Variants in YY2 observed in about 807,000 individuals in gnomAD.
YY2 encodes the protein transcription factor YY2.
For missense variants in YY2, 254 were observed against 305.3 expected, an observed-to-expected ratio of 0.83 and a Z score of 1.25; for synonymous variants, 157 against 131.2, an observed-to-expected ratio of 1.20 and a Z score of -1.35.
rs2092925467 is a variant in YY2, at chrX:21,857,806, G to C, written c.*203G>C. On this transcript the variant is annotated 3_prime_UTR_variant, in exon 1 of 1. Coordinates refer to ENST00000429584, the MANE Select transcript of YY2 (RefSeq NM_206923.4). The stretch of plus-strand genomic sequence containing the variant: ...AGGTAAACCTTGACATAAGATAATA[G>C]TGCTAAGATGCCATAGCTTGTTCTG... 3 of 413,377 alleles carry C rather than the reference G, an allele frequency of 7.3e-6. No individual in the cohort carries two copies. The highest frequency in any genetic ancestry group is 1.6e-4 in the South Asian group (2 of 12,650). 34.1% of individuals were successfully genotyped at this position (413,377 alleles called of 1,213,427 possible).
Position 21,857,635 on chromosome X carries a change from T to TA in YY2, c.*33dup, listed in dbSNP as rs1355508321. The stretch of plus-strand genomic sequence containing the variant: ...GAAGACCCCTCTCAGACTTGGGAAT[T>TA]ATCTTCCAGGACTGCGGTAGGGAAT... On this transcript the variant is annotated 3_prime_UTR_variant, in exon 1 of 1. Transcript: ENST00000429584. 10 of 1,170,149 alleles carry TA rather than the reference T, an allele frequency of 8.5e-6. No individual in the cohort carries two copies. In the Admixed American group the frequency reaches 2.4e-4, roughly 29 times the overall value.
At position 21,857,830 on chromosome X, in the gene YY2, T is replaced by C; in HGVS notation, c.*227T>C. The C allele has an allele frequency of 2.9e-6, 1 of 340,683 alleles. No individual in the cohort carries two copies. The highest frequency in any genetic ancestry group is 5.0e-6 in the Non-Finnish European group (1 of 199,407). 28.1% of individuals were successfully genotyped at this position (340,683 alleles called of 1,213,427 possible). A position where few individuals can be genotyped will look rare whatever the true frequency, so the allele number is the denominator to read the frequency against. Reference sequence around the variant, plus strand: ...AGTGCTAAGATGCCATAGCTTGTTCTGTAACTATTTTTGTAAAGTTTGGTC... The same window carrying C: ...AGTGCTAAGATGCCATAGCTTGTTCCGTAACTATTTTTGTAAAGTTTGGTC... On this transcript the variant is annotated 3_prime_UTR_variant, in exon 1 of 1. Transcript: ENST00000429584.
Position 21,857,838 on chromosome X carries a change from T to C in YY2, c.*235T>C. ...GATGCCATAGCTTGTTCTGTAACTA[T>C]TTTTGTAAAGTTTGGTCCCAACAGG... On this transcript the variant is annotated 3_prime_UTR_variant, in exon 1 of 1. Transcript: ENST00000429584. 1 of 327,870 alleles carries C rather than the reference T, an allele frequency of 3.0e-6. No individual in the cohort carries two copies. The highest frequency in any genetic ancestry group is 1.4e-4 in the South Asian group (1 of 7,183). 27.0% of individuals were successfully genotyped at this position (327,870 alleles called of 1,213,427 possible).
chrX:21,856,290 TCTGCAGCTCGCGCCTTTC>T lies in YY2; in HGVS notation c.-194_-177del. 1 of 270,323 alleles carries T rather than the reference TCTGCAGCTCGCGCCTTTC, an allele frequency of 3.7e-6. No individual in the cohort carries two copies. The highest frequency in any genetic ancestry group is 6.0e-6 in the Non-Finnish European group (1 of 166,296). The allele number at this position is 270,323 out of a possible 1,213,427, so 22.3% of individuals were successfully genotyped here. ...TGCTTTCCTCAGTCTCGCGCCTTTCTCTGCAGCTCGCGCCTTTCTCTGCAGCTCGCGCCTTTCTCTGCA... is the reference window on the plus strand; with the variant it reads ...TGCTTTCCTCAGTCTCGCGCCTTTCTTCTGCAGCTCGCGCCTTTCTCTGCA... On this transcript the variant is annotated 5_prime_UTR_variant, in exon 1 of 1. Coordinates refer to ENST00000429584, the MANE Select transcript of YY2 (RefSeq NM_206923.4).
At position 21,856,024 on chromosome X, in the gene YY2, T is replaced by A. The variant is rs908475030; in HGVS notation, c.-461T>A. The A allele has an allele frequency of 1.6e-5, 2 of 123,400 alleles. No individual in the cohort carries two copies. The highest frequency in any genetic ancestry group is 8.7e-5 in the Admixed American group (1 of 11,522). 10.2% of individuals were successfully genotyped at this position (123,400 alleles called of 1,213,427 possible). A position where few individuals can be genotyped will look rare whatever the true frequency, so the allele number is the denominator to read the frequency against. ...AAAAAAGCATAAAAGGAGTAGGCTT[T>A]TTTGGCAGATACTGTTATATGGGAT... On this transcript the variant is annotated 5_prime_UTR_variant, in exon 1 of 1. Transcript: ENST00000429584.
Position 21,856,511 on chromosome X carries a change from C to G in YY2, c.27C>G (p.Ile9Met). 1 of 1,209,290 alleles carries G rather than the reference C, an allele frequency of 8.3e-7. No homozygotes were observed. The highest frequency in any genetic ancestry group is 1.1e-6 in the Non-Finnish European group (1 of 894,082). The change falls in exon 1 of 1, where the codon ATC becomes ATG. Residue 9 changes from isoleucine to methionine, a missense_variant. Ile to Met is a conservative substitution (Grantham distance 10). Transcript: ENST00000429584. MASNEDFS[I>M]TQDLEIPADI... is the part of the protein sequence containing the mutation. ...TGGCCTCCAACGAAGATTTCTCCAT[C>G]ACACAAGACCTGGAGATCCCGGCAG...
chrX:21,856,480 C>T lies in YY2; in HGVS notation c.-5C>T, dbSNP rs1253134081. The T allele has an allele frequency of 9.2e-6, 11 of 1,200,012 alleles. No individual in the cohort carries two copies. Among genetic ancestry groups the T allele is most frequent in the Admixed American group, 2.2e-5 (1 of 45,150 alleles). On this transcript the variant is annotated 5_prime_UTR_variant, in exon 1 of 1. Coordinates refer to ENST00000429584, the MANE Select transcript of YY2 (RefSeq NM_206923.4). The stretch of plus-strand genomic sequence containing the variant: ...CGTTGCCGCTAACCTAACTAACTCT[C>T]AGCCATGGCCTCCAACGAAGATTTC...
chrX:21,856,330 T>A lies in YY2; in HGVS notation c.-155T>A. The A allele has an allele frequency of 2.0e-6, 1 of 498,083 alleles. No homozygotes were observed. Among genetic ancestry groups the A allele is most frequent in the Non-Finnish European group, 3.4e-6 (1 of 293,781 alleles). 41.0% of individuals were successfully genotyped at this position (498,083 alleles called of 1,213,427 possible). On this transcript the variant is annotated 5_prime_UTR_variant, in exon 1 of 1. Coordinates refer to ENST00000429584, the MANE Select transcript of YY2 (RefSeq NM_206923.4). ...TTTCTCTGCAGCTCGCGCCTTTCTCTGCAGCTCGCGCCTTTCTCTGCAGCT... is the reference window on the plus strand; with the variant it reads ...TTTCTCTGCAGCTCGCGCCTTTCTCAGCAGCTCGCGCCTTTCTCTGCAGCT...
rs1409130046 is a variant in YY2 at position 21,857,725 on chromosome X, AT to A, written c.*125del. 1.2e-6 allele frequency: 1 copy of A among 817,240 alleles called. No homozygotes were observed. The highest frequency in any genetic ancestry group is 1.7e-6 in the Non-Finnish European group (1 of 583,614). 67.3% of individuals were successfully genotyped at this position (817,240 alleles called of 1,213,427 possible). A position where few individuals can be genotyped will look rare whatever the true frequency, so the allele number is the denominator to read the frequency against. The stretch of plus-strand genomic sequence containing the variant: ...TTTTAAAAAAAAATGAATCCTGCAC[AT>A]TTAAGGTTCGTGTTTTGTTAGAGTA... On this transcript the variant is annotated 3_prime_UTR_variant, in exon 1 of 1. Transcript: ENST00000429584.
chrX:21,857,760 A>G lies in YY2; in HGVS notation c.*157A>G. 1.6e-6 allele frequency: 1 copy of G among 615,150 alleles called. No individual in the cohort carries two copies. Among genetic ancestry groups the G allele is most frequent in the East Asian group, 3.6e-5 (1 of 27,671 alleles). The allele number at this position is 615,150 out of a possible 1,213,427, so 50.7% of individuals were successfully genotyped here. A position where few individuals can be genotyped will look rare whatever the true frequency, so the allele number is the denominator to read the frequency against. ...CGTGTTTTGTTAGAGTAGTAAAAAT[A>G]GAATTTAAACGTTTTTAAAAAGGTA... is the stretch of plus-strand genomic sequence containing the variant. On this transcript the variant is annotated 3_prime_UTR_variant, in exon 1 of 1. Transcript: ENST00000429584.
Position 21,856,001 on chromosome X carries a change from A to T in YY2, c.-484A>T, listed in dbSNP as rs780890769. 2 of 119,700 alleles carry T rather than the reference A, an allele frequency of 1.7e-5. No homozygotes were observed. The highest frequency in any genetic ancestry group is 6.8e-4 in the South Asian group (2 of 2,922). 9.9% of individuals were successfully genotyped at this position (119,700 alleles called of 1,213,427 possible). ...GTATTAGTGCAATTAAATAAGAGAA[A>T]AAAGCATAAAAGGAGTAGGCTTTTT... On this transcript the variant is annotated 5_prime_UTR_variant, in exon 1 of 1. Transcript: ENST00000429584.
At position 21,856,316 on chromosome X, in the gene YY2, C is replaced by G; in HGVS notation, c.-169C>G. 1 of 455,827 alleles carries G rather than the reference C, an allele frequency of 2.2e-6. No homozygotes were observed. Among genetic ancestry groups the G allele is most frequent in the Non-Finnish European group, 3.8e-6 (1 of 265,628 alleles). 37.6% of individuals were successfully genotyped at this position (455,827 alleles called of 1,213,427 possible). A position where few individuals can be genotyped will look rare whatever the true frequency, so the allele number is the denominator to read the frequency against. Reference sequence around the variant, plus strand: ...CTGCAGCTCGCGCCTTTCTCTGCAGCTCGCGCCTTTCTCTGCAGCTCGCGC... The same window carrying G: ...CTGCAGCTCGCGCCTTTCTCTGCAGGTCGCGCCTTTCTCTGCAGCTCGCGC... On this transcript the variant is annotated 5_prime_UTR_variant, in exon 1 of 1. Coordinates refer to ENST00000429584, the MANE Select transcript of YY2 (RefSeq NM_206923.4).
Position 21,857,609 on chromosome X carries a change from A to G in YY2, c.*6A>G. 1 of 1,194,442 alleles carries G rather than the reference A, an allele frequency of 8.4e-7. No individual in the cohort carries two copies. The highest frequency in any genetic ancestry group is 3.0e-5 in the East Asian group (1 of 33,615). On this transcript the variant is annotated 3_prime_UTR_variant, in exon 1 of 1. Transcript: ENST00000429584. ...AGACCAAAAACAACCCGTGAAAAGG[A>G]GAAGACCCCTCTCAGACTTGGGAAT... is the stretch of plus-strand genomic sequence containing the variant.
chrX:21,856,329 C>G lies in YY2; in HGVS notation c.-156C>G. On this transcript the variant is annotated 5_prime_UTR_variant, in exon 1 of 1. Transcript: ENST00000429584. ...CTTTCTCTGCAGCTCGCGCCTTTCT[C>G]TGCAGCTCGCGCCTTTCTCTGCAGC... The G allele has an allele frequency of 2.0e-6, 1 of 495,873 alleles. No homozygotes were observed. Among genetic ancestry groups the G allele is most frequent in the Non-Finnish European group, 3.4e-6 (1 of 291,921 alleles). The allele number at this position is 495,873 out of a possible 1,213,427, so 40.9% of individuals were successfully genotyped here. A position where few individuals can be genotyped will look rare whatever the true frequency, so the allele number is the denominator to read the frequency against.
rs1044583175 is a variant in YY2, at chrX:21,858,257, C to T, written c.*654C>T. ...GGTGATTTAATAGTACTAGTTTAAA[C>T]CTATTTTAGTCATTTTATTTTCCCC... On this transcript the variant is annotated 3_prime_UTR_variant, in exon 1 of 1. Coordinates refer to ENST00000429584, the MANE Select transcript of YY2 (RefSeq NM_206923.4). 5.7e-5 allele frequency: 7 copies of T among 123,500 alleles called. No individual in the cohort carries two copies. The highest frequency in any genetic ancestry group is 1.3e-4 in the Non-Finnish European group (7 of 53,205). The allele number at this position is 123,500 out of a possible 1,213,427, so 10.2% of individuals were successfully genotyped here. A position where few individuals can be genotyped will look rare whatever the true frequency, so the allele number is the denominator to read the frequency against.
In YY2 at chrX:21,857,965, A is replaced by G. The variant is rs1051582341; in HGVS notation, c.*362A>G. On this transcript the variant is annotated 3_prime_UTR_variant, in exon 1 of 1. Transcript: ENST00000429584. ...ATAGGAAGTTCATTTATTGTTTACA[A>G]TGTTTTTAAAAAACTTGTTAAAAAA... is the stretch of plus-strand genomic sequence containing the variant. The G allele has an allele frequency of 2.7e-4, 39 of 145,798 alleles. 1 individual carries two copies. The highest frequency in any genetic ancestry group is 4.2e-4 in the Non-Finnish European group (29 of 68,508). 12.0% of individuals were successfully genotyped at this position (145,798 alleles called of 1,213,427 possible). A position where few individuals can be genotyped will look rare whatever the true frequency, so the allele number is the denominator to read the frequency against.
In YY2 at chrX:21,856,234, T is replaced by C. The variant is rs922761420; in HGVS notation, c.-251T>C. 2.6e-6 allele frequency: 1 copy of C among 384,586 alleles called. No homozygotes were observed. Among genetic ancestry groups the C allele is most frequent in the Non-Finnish European group, 4.5e-6 (1 of 223,688 alleles). The allele number at this position is 384,586 out of a possible 1,213,427, so 31.7% of individuals were successfully genotyped here. ...AGTTGCCTAGGCGCATGCGTCTGGC[T>C]ATCCCAGAAGCACCTGCGCCTTCCG... is the stretch of plus-strand genomic sequence containing the variant. On this transcript the variant is annotated 5_prime_UTR_variant, in exon 1 of 1. Coordinates refer to ENST00000429584, the MANE Select transcript of YY2 (RefSeq NM_206923.4).
Position 21,856,283 on chromosome X carries a change from G to A in YY2, c.-202G>A, listed in dbSNP as rs894565953. ...CGGCTCGTGCTTTCCTCAGTCTCGC[G>A]CCTTTCTCTGCAGCTCGCGCCTTTC... On this transcript the variant is annotated 5_prime_UTR_variant, in exon 1 of 1. Transcript: ENST00000429584. 1.4e-5 allele frequency: 4 copies of A among 281,387 alleles called. No individual in the cohort carries two copies. Among genetic ancestry groups the A allele is most frequent in the Non-Finnish European group, 1.7e-5 (3 of 173,565 alleles). The allele number at this position is 281,387 out of a possible 1,213,427, so 23.2% of individuals were successfully genotyped here. A position where few individuals can be genotyped will look rare whatever the true frequency, so the allele number is the denominator to read the frequency against.
In YY2 at chrX:21,856,894, GCAGCAAAAAGCC is replaced by G. The variant is rs761456434; in HGVS notation, c.427_438del (p.Lys143_Ser146del). On this transcript the variant is annotated inframe_deletion, in exon 1 of 1. Transcript: ENST00000429584. ...TCAACATCAACATCAACCCAGAGCC[GCAGCAAAAAGCC>G]CAGCAAAAAGCCCAGCGGCAAGAGT... 9.2e-5 allele frequency: 111 copies of G among 1,209,938 alleles called. No individual in the cohort carries two copies. The highest frequency in any genetic ancestry group is 1.5e-4 in the East Asian group (5 of 33,751).
Sources: allele counts gnomAD v4.1 joint callset, GRCh38; gene constraint gnomAD v4.1.1; transcripts MANE v1.5; gene names NCBI Gene and HGNC (gene_info 2026-07-23, HGNC 2026-07-21).